ALMS1: variants seen among roughly 807,000 people sequenced by gnomAD.
The protein encoded by ALMS1 is centrosome-associated protein ALMS1.
Under a neutral mutation model 352.2 loss-of-function variants are expected in ALMS1, and 271 were observed. The ratio of observed to expected loss-of-function variants is 0.77; its 90% CI spans 0.70 to 0.85. The LOEUF (loss-of-function observed/expected upper bound fraction) is 0.85, where lower values mean the gene tolerates loss of function less well. ALMS1 is among the 40% of genes least tolerant of loss of function. ALMS1 has a pLI of 0.00. For synonymous variants in ALMS1, 1,865 were observed against 1,761.2 expected (o/e 1.06, Z -1.48); for missense variants, 5,445 against 4,870.7 (o/e 1.12, Z -3.51).
chr2:73,492,793 G>A (rs1247061849), intron 10 of ALMS1, among the ~76,000 whole-genome samples: 1 of 152,048 alleles, frequency 6.6e-6, no homozygotes, highest in African/African-American at 2.4e-5. Context: ...ACCCAGGCCA[G>A]AGTACAGTGA....
intron 9 of ALMS1, among the ~76,000 whole-genome samples, chr2:73,456,216 G>T (rs1290636873): frequency 2.6e-5 from 4 of 151,828 alleles, no homozygotes; most frequent in Non-Finnish European, 4.4e-5. Context: ...TCTTCAGTAT[G>T]GTTTTGAACT....
intron 10 of ALMS1, among the ~76,000 whole-genome samples, chr2:73,492,869 C>G (rs1673020972): frequency 6.6e-6 from 1 of 151,968 alleles, no homozygotes; most frequent in Non-Finnish European, 1.5e-5. Context: ...ACCTGAATAG[C>G]TGGGACCACA....
At chr2:73,594,328 AATGTTTACCTTTTTAT>A (rs1375613775) in intron 16 of ALMS1, among the ~76,000 whole-genome samples, 1 of 152,214 alleles carries the variant, frequency 6.6e-6, no homozygotes, top group Non-Finnish European at 1.5e-5. Context: ...TCTATTTTTA[AATGTTTACCTTTTTAT>A]AGGCAAGCAT....
intron 10 of ALMS1, among the ~76,000 whole-genome samples, chr2:73,515,385 T>G (rs910296766): frequency 1.3e-5 from 2 of 152,116 alleles, no homozygotes; most frequent in Non-Finnish European, 1.5e-5. Flanking sequence ...AAATCCCCTG[T>G]AAATCAGTTT....
At chr2:73,551,167 G>C (rs1353288898) in intron 13 of ALMS1, among the ~76,000 whole-genome samples, 1 of 151,958 alleles carries the variant, frequency 6.6e-6, no homozygotes, top group Non-Finnish European at 1.5e-5. Flanking sequence ...CCCCCATGTT[G>C]TTTTAAAATT....
chr2:73,391,146 C>T (rs1670636623), intron 1 of ALMS1, among the ~76,000 whole-genome samples: 1 of 151,894 alleles, frequency 6.6e-6, no homozygotes, highest in South Asian at 2.1e-4. Flanking sequence ...ACTTCTGTCT[C>T]CCACCCAGAG....
chr2:73,575,952 C>T (rs1675044961), intron 16 of ALMS1, among the ~76,000 whole-genome samples: 1 of 151,970 alleles, frequency 6.6e-6, no homozygotes, highest in South Asian at 2.1e-4. Context: ...ATAATTTTAG[C>T]TTTTACTTTT....
chr2:73,449,380 C>T lies in ALMS1; in HGVS notation c.2853C>T (p.Ser951=). ...AGAAGACTGGGACACCAACAGTGTC[C>T]TCTAATTCTCACTCACATAGCGAGA... ...AAQKTGTPTV[S]SNSHSHSEKS... is the part of the protein sequence containing the mutation. Residue 951 remains serine (S), a synonymous_variant, in exon 8 of 23, where the codon TCC becomes TCT. Transcript: ENST00000613296. The T allele has an allele frequency of 2.5e-6, 4 of 1,614,094 alleles. No individual in the cohort carries two copies. The highest frequency in any genetic ancestry group is 3.4e-6 in the Non-Finnish European group (4 of 1,179,996).
intron 10 of ALMS1, among the ~76,000 whole-genome samples, chr2:73,502,737 T>C (rs1472851568): frequency 6.6e-6 from 1 of 152,178 alleles, no homozygotes; most frequent in Admixed American, 6.5e-5. Context: ...TTGTCATCTT[T>C]ACTGAATTTT....
At chr2:73,431,499 T>G (rs1023584073) in intron 6 of ALMS1, among the ~76,000 whole-genome samples, 1 of 152,198 alleles carries the variant, frequency 6.6e-6, no homozygotes, top group East Asian at 1.9e-4. Flanking sequence ...TGGTGAAAAG[T>G]TGTACATGTT....
At position 73,432,251 on chromosome 2, in the gene ALMS1, T is replaced by C. The variant is rs989088490; in HGVS notation, c.1392T>C (p.Ser464=). 1 of 1,613,654 alleles carries C rather than the reference T, an allele frequency of 6.2e-7. No individual in the cohort carries two copies. Among genetic ancestry groups the C allele is most frequent in the African/African-American group, 1.3e-5 (1 of 75,034 alleles). ...HSSDLRMLRM[S]PDTVPKAPKH... ...CAGATCTCAGAATGTTGAGGATGTC[T>C]CCTGACACTGTGCCAAAGGCTCCTA... The change falls in exon 7 of 23, where the codon TCT becomes TCC. Residue 464 remains serine, a synonymous_variant. Coordinates refer to ENST00000613296, the MANE Select transcript of ALMS1 (RefSeq NM_001378454.1).
intron 9 of ALMS1, among the ~76,000 whole-genome samples, chr2:73,466,326 C>G (rs1227063254): frequency 1.3e-5 from 2 of 151,898 alleles, no homozygotes; most frequent in Non-Finnish European, 2.9e-5. Flanking sequence ...GAGTTCATGT[C>G]CTTTGTAGGG....
At chr2:73,582,514 G>A (rs1675208289) in intron 16 of ALMS1, among the ~76,000 whole-genome samples, 1 of 152,030 alleles carries the variant, frequency 6.6e-6, no homozygotes, top group Non-Finnish European at 1.5e-5. Flanking sequence ...TATACCCATT[G>A]AACAACAACT....
chr2:73,538,616 A>T (rs1271391400), intron 12 of ALMS1, among the ~76,000 whole-genome samples: 1 of 152,186 alleles, frequency 6.6e-6, no homozygotes, highest in Non-Finnish European at 1.5e-5. Flanking sequence ...GCAAGGGGTC[A>T]TGGAATTCCC....
intron 7 of ALMS1, among the ~76,000 whole-genome samples, chr2:73,442,901 T>C (rs1013306880): frequency 7.2e-5 from 11 of 152,180 alleles, no homozygotes; most frequent in Non-Finnish European, 1.5e-4. Context: ...GTCAGAACTT[T>C]AAAAATGGAG....
chr2:73,415,951 C>T (rs762296812), intron 2 of ALMS1, among the ~76,000 whole-genome samples: 13 of 151,976 alleles, frequency 8.6e-5, no homozygotes, highest in African/African-American at 2.4e-4. Context: ...TAGTTGTCTC[C>T]GTGAAGTTAA....
At chr2:73,575,704 C>G (rs1403940131) in intron 16 of ALMS1, among the ~76,000 whole-genome samples, 1 of 152,030 alleles carries the variant, frequency 6.6e-6, no homozygotes, top group Non-Finnish European at 1.5e-5. Flanking sequence ...TTGGGATTTT[C>G]TATATATTCT....
chr2:73,528,408 C>T (rs531908605), intron 11 of ALMS1, among the ~76,000 whole-genome samples: 28 of 152,112 alleles, frequency 1.8e-4, no homozygotes, highest in Admixed American at 5.2e-4. Context: ...GGTACTCCAC[C>T]GTTGGGTCCA....
chr2:73,584,792 T>TC (rs1015694590), intron 16 of ALMS1, among the ~76,000 whole-genome samples: 5 of 148,500 alleles, frequency 3.4e-5, no homozygotes, highest in African/African-American at 1.3e-4. Flanking sequence ...CTCCCACCCT[T>TC]CCCCCCTAAG....
Sources: gnomAD v4.1 joint callset for allele counts (sites outside exome capture counted in the v4.1 genomes callset) on GRCh38, gnomAD v4.1.1 for gene constraint, MANE v1.5 for transcripts, NCBI Gene and HGNC (gene_info 2026-07-23, HGNC 2026-07-21) for gene names.